The following PCDH7 variants were observed in gnomAD, a reference collection of about 807,000 sequenced individuals.
PCDH7 encodes the protein protocadherin 7.
PCDH7 carries 17 observed loss-of-function variants against 58.9 expected under a neutral mutation model. That is an observed-to-expected ratio of 0.29 (90% CI 0.20 to 0.43). The LOEUF (loss-of-function observed/expected upper bound fraction) is 0.43. Among genes scored for constraint, PCDH7 ranks in the 20% least tolerant of loss-of-function variants. The probability of loss-of-function intolerance (pLI) is 1.00; values close to 1 mark genes in which losing one functional copy is unlikely to be tolerated. For synonymous variants in PCDH7, 664 were observed against 616.4 expected (o/e 1.08, Z -1.14); for missense variants, 1,274 against 1,441.0 (o/e 0.88, Z 1.88).
At chr4:31,126,585 C>A (rs985395832) in intron 3 of PCDH7, among the ~76,000 whole-genome samples, 1 of 152,152 alleles carries the variant, frequency 6.6e-6, no homozygotes, top group African/African-American at 2.4e-5. Context: ...CTTCTTATTT[C>A]TTCTTCATCT....
chr4:30,935,225 A>C (rs1745200429), intron 2 of PCDH7: 1 of 381,824 alleles, frequency 2.6e-6, no homozygotes. Flanking sequence ...GCTGATAACT[A>C]GTTCTACAAC....
chr4:31,003,842 A>AT (rs1752552000), intron 3 of PCDH7, among the ~76,000 whole-genome samples: 1 of 152,088 alleles, frequency 6.6e-6, no homozygotes, highest in Admixed American at 6.5e-5. Context: ...CGAAAAAAAA[A>AT]GGTTCTGATT....
downstream of PCDH7, among the ~76,000 whole-genome samples, chr4:30,737,142 C>A (rs1334103779): frequency 6.6e-6 from 1 of 152,076 alleles, no homozygotes; most frequent in Non-Finnish European, 1.5e-5. Context: ...TGTGAAGTCC[C>A]GTTCAAGTCT....
Position 30,958,877 on chromosome 4 carries a change from C to G in PCDH7, c.*7+8662C>G, listed in dbSNP as rs945805756. On this transcript the variant is annotated intron_variant, in intron 3 of 3. Transcript: ENST00000509759. ...TTAAGAAAATAAAAAGTATTATGAACAAATAAAGCATAAAAGCATTTTACT... is the reference window on the plus strand; with the variant it reads ...TTAAGAAAATAAAAAGTATTATGAAGAAATAAAGCATAAAAGCATTTTACT... Among the ~76,000 whole-genome samples, 4 of 151,932 alleles carry G rather than the reference C, an allele frequency of 2.6e-5. No individual in the cohort carries two copies. The East Asian group carries it at 7.7e-4, about 29-fold the overall frequency.
intron 3 of PCDH7, among the ~76,000 whole-genome samples, chr4:30,952,761 CTG>C (rs897735152): frequency 2.0e-5 from 3 of 152,050 alleles, no homozygotes; most frequent in African/African-American, 4.8e-5. Flanking sequence ...AGGACTTTTT[CTG>C]TGACAACAGT....
At chr4:30,968,351 T>TATATACAC (rs1560541407) in intron 3 of PCDH7, among the ~76,000 whole-genome samples, 1 of 74,036 alleles carries the variant, frequency 1.4e-5, no homozygotes, top group African/African-American at 6.7e-5. Flanking sequence ...TATATATATA[T>TATATACAC]ACACACACTA....
intron 3 of PCDH7, among the ~76,000 whole-genome samples, chr4:31,040,303 G>T (rs563105861): frequency 6.6e-6 from 1 of 152,174 alleles, no homozygotes; most frequent in Non-Finnish European, 1.5e-5. Flanking sequence ...TCACTGTTCT[G>T]ATGTTTATTA....
intron 1 of PCDH7, chr4:30,730,699 A>C (rs1715363371): frequency 2.1e-5 from 30 of 1,417,976 alleles, no homozygotes; most frequent in Non-Finnish European, 2.7e-5. Context: ...ACTGGGGAAA[A>C]TTTCTTTATC....
Position 31,034,030 on chromosome 4 carries a change from G to T in PCDH7, c.*7+83815G>T, listed in dbSNP as rs546642066. 4.5e-4 allele frequency among the ~76,000 whole-genome samples: 68 copies of T among 152,230 alleles called. 1 individual carries two copies. Among genetic ancestry groups the T allele is most frequent in the African/African-American group, 1.6e-3 (66 of 41,538 alleles). On this transcript the variant is annotated intron_variant, in intron 3 of 3. Coordinates refer to the PCDH7 transcript ENST00000509759. ...AATTGCTTGAGTCCGGGAGGCAGAG[G>T]TTGCAGTGCGTGGAAATCACACCAC...
chr4:30,846,220 A>G (rs1237500072), intron 1 of PCDH7, among the ~76,000 whole-genome samples: 1 of 152,142 alleles, frequency 6.6e-6, no homozygotes, highest in Non-Finnish European at 1.5e-5. Context: ...GTTCAATGCA[A>G]CAGTGTTGAT....
intron 3 of PCDH7, among the ~76,000 whole-genome samples, chr4:31,066,423 G>A (rs1053503724): frequency 1.3e-5 from 2 of 151,786 alleles, no homozygotes; most frequent in Admixed American, 6.6e-5. Context: ...CAAACACTAA[G>A]AAGCATTCAG....
chr4:30,966,168 G>A (rs1340135875), intron 3 of PCDH7, among the ~76,000 whole-genome samples: 2 of 152,122 alleles, frequency 1.3e-5, no homozygotes, highest in Non-Finnish European at 2.9e-5. Context: ...GAGCTTGGAA[G>A]TTACTCTCCA....
At chr4:30,909,188 A>G (rs1373791519) in intron 1 of PCDH7, among the ~76,000 whole-genome samples, 1 of 152,204 alleles carries the variant, frequency 6.6e-6, no homozygotes. Flanking sequence ...TCTCAAAATA[A>G]TAAGAACTAT....
chr4:30,838,839 G>A (rs975608444), intron 1 of PCDH7, among the ~76,000 whole-genome samples: 1 of 151,936 alleles, frequency 6.6e-6, no homozygotes, highest in Non-Finnish European at 1.5e-5. Context: ...CTCAGATCAG[G>A]GGCCAACGTT....
chr4:31,089,658 T>A (rs960942877), intron 3 of PCDH7, among the ~76,000 whole-genome samples: 1 of 152,232 alleles, frequency 6.6e-6, no homozygotes, highest in African/African-American at 2.4e-5. Flanking sequence ...TATTTACGTA[T>A]GTTTTCTTAC....
rs1016624854 is a variant in PCDH7 at position 30,751,001 on chromosome 4, G to T, written c.70+26405G>T. Among the ~76,000 whole-genome samples, 13 of 152,126 alleles carry T rather than the reference G, an allele frequency of 8.5e-5. No homozygotes were observed. In the East Asian group the frequency reaches 2.3e-3, roughly 27 times the overall value. ...GGAAAAAAACGCAAGACTAAAAATT[G>T]TCCTGTGTTATGGTGCAGAAGCAGT... is the stretch of plus-strand genomic sequence containing the variant. On this transcript the variant is annotated intron_variant, in intron 1 of 3. Coordinates refer to the PCDH7 transcript ENST00000509759.
intron 1 of PCDH7, among the ~76,000 whole-genome samples, chr4:30,836,268 C>G (rs1165768695): frequency 6.6e-6 from 1 of 152,154 alleles, no homozygotes; most frequent in African/African-American, 2.4e-5. Context: ...TATACCCTTA[C>G]AGAGTGCACA....
At chr4:30,954,662 C>T (rs1021289730) in intron 3 of PCDH7, among the ~76,000 whole-genome samples, 19 of 152,046 alleles carry the variant, frequency 1.2e-4, no homozygotes, top group Non-Finnish European at 2.6e-4. Context: ...CATAGAAAGA[C>T]GAGTGAAAAG....
At chr4:31,130,859 G>C (rs968484956) in intron 3 of PCDH7, among the ~76,000 whole-genome samples, 2 of 152,116 alleles carry the variant, frequency 1.3e-5, no homozygotes, top group East Asian at 3.9e-4. Flanking sequence ...AAAAATGGCT[G>C]AGTCAGGTCA....
Sources: gnomAD v4.1 joint callset for allele counts (sites outside exome capture counted in the v4.1 genomes callset) on GRCh38, gnomAD v4.1.1 for gene constraint, MANE v1.5 for transcripts, NCBI Gene and HGNC (gene_info 2026-07-23, HGNC 2026-07-21) for gene names.